The following ABCC5 variants were observed in gnomAD, a reference collection of about 807,000 sequenced individuals.
ABCC5 encodes the protein ATP binding cassette subfamily C member 5.
In ABCC5, 61 loss-of-function variants were observed where a neutral mutation model predicts 160.9. That is an observed-to-expected ratio of 0.38 (90% CI 0.31 to 0.47). The LOEUF (loss-of-function observed/expected upper bound fraction) is 0.47. Ranked by LOEUF, ABCC5 falls within the 20% of genes least tolerant of loss-of-function variation. The pLI, the probability that ABCC5 is intolerant of heterozygous loss-of-function variation, is 0.99. For synonymous variants in ABCC5, 666 were observed against 700.6 expected (o/e 0.95, Z 0.78); for missense variants, 1,308 against 1,813.3 (o/e 0.72, Z 5.06).
intron 29 of ABCC5, among the ~76,000 whole-genome samples, chr3:183,925,192 G>C (rs1712412568): frequency 6.6e-6 from 1 of 152,190 alleles, no homozygotes; most frequent in African/African-American, 2.4e-5. Flanking sequence ...CATGTACCAG[G>C]GATGATAATT....
chr3:183,965,561 G>A (rs1011914973), intron 12 of ABCC5, 60 bp from the exon 13 acceptor site: 10 of 1,597,434 alleles, frequency 6.3e-6, no homozygotes, highest in Admixed American at 3.4e-5. Flanking sequence ...CTATGCCAAC[G>A]GAACCCCCAC....
Position 183,949,790 on chromosome 3 carries a change from T to A in ABCC5, c.3190A>T (p.Ile1064Phe). Residue 1064 changes from isoleucine to phenylalanine, a missense_variant, in exon 22 of 30, where the codon ATC becomes TTC. Physicochemically the swap from Ile to Phe is conservative, Grantham distance 21 (BLOSUM62 0). Coordinates refer to ENST00000334444, the MANE Select transcript of ABCC5 (RefSeq NM_005688.4). The surrounding 1 kb of genome is among the most constrained non-coding windows in gnomAD (Gnocchi z 4.2). ...TCCTGCCCTTTATTGTAGGCGTGGA[T>A]GGTGGCAAGGCCCTGTATGCTGGAC... Reference protein sequence around the residue: ...ITSSIQGLATIHAYNKGQEFL... With the variant: ...ITSSIQGLATFHAYNKGQEFL... 6.2e-7 allele frequency: 1 copy of A among 1,614,192 alleles called. No homozygotes were observed.
At chr3:184,014,756 T>C (rs113755539) in intron 1 of ABCC5, among the ~76,000 whole-genome samples, 1 of 151,960 alleles carries the variant, frequency 6.6e-6, no homozygotes, top group African/African-American at 2.4e-5. Flanking sequence ...AAATCCAGTG[T>C]ATACAATAGA....
chr3:183,993,204 G>C (rs1719935224), intron 2 of ABCC5, among the ~76,000 whole-genome samples: 1 of 152,132 alleles, frequency 6.6e-6, no homozygotes, highest in African/African-American at 2.4e-5. Context: ...GTACTGCCGG[G>C]CTGGGCGCAG....
intron 2 of ABCC5, among the ~76,000 whole-genome samples, chr3:184,002,130 G>T (rs959501488): frequency 9.2e-5 from 14 of 152,158 alleles, no homozygotes; most frequent in African/African-American, 2.9e-4. Context: ...GGGTGGGGTG[G>T]CTTATGCTTG....
intron 5 of ABCC5, chr3:183,984,980 GC>G: frequency 8.6e-7 from 1 of 1,160,906 alleles, no homozygotes; most frequent in East Asian, 2.6e-5. Context: ...AATAGCATCA[GC>G]GCCTCCCAGA....
intron 24 of ABCC5, 53 bp downstream of exon 24, chr3:183,945,796 TA>T: frequency 6.7e-7 from 1 of 1,494,314 alleles, no homozygotes; most frequent in Non-Finnish European, 9.3e-7. Context: ...CAGCAAAGGG[TA>T]AACCGACTCC....
chr3:183,961,490 G>A (rs773681202), intron 16 of ABCC5, 21 bp downstream of exon 16: 12 of 1,612,404 alleles, frequency 7.4e-6, no homozygotes, highest in South Asian at 5.5e-5. Context: ...GGGGACACAC[G>A]CAAACACCAT....
In ABCC5 at chr3:183,947,383, G is replaced by C; in HGVS notation, c.3355C>G (p.Leu1119Val). The change falls in exon 23 of 30, where the codon CTT becomes GTT. Residue 1119 changes from leucine to valine, a missense_variant. Leu to Val is a conservative substitution (Grantham distance 32). Around this residue, in one of 3 missense-constraint regions of ABCC5, gnomAD observed 1,142 missense variants for 1,527.1 expected, o/e 0.75. Coordinates refer to ENST00000334444, the MANE Select transcript of ABCC5 (RefSeq NM_005688.4). ...LITTTGLMIV[L>V]MHGQIPPAYA... ...GCTGGGGGAATCTGCCCGTGCATAAGAACGATCATCAGCCCCGTGGTGGTG... is the reference window on the plus strand; with the variant it reads ...GCTGGGGGAATCTGCCCGTGCATAACAACGATCATCAGCCCCGTGGTGGTG... 6.2e-7 allele frequency: 1 copy of C among 1,613,768 alleles called. No individual in the cohort carries two copies. Among genetic ancestry groups the C allele is most frequent in the Non-Finnish European group, 8.5e-7 (1 of 1,179,882 alleles).
At chr3:183,981,606 C>T in intron 8 of ABCC5, 121 bp downstream of exon 8, 1 of 1,098,090 alleles carries the variant, frequency 9.1e-7, no homozygotes, top group Non-Finnish European at 1.3e-6. Flanking sequence ...ATATTATGTC[C>T]TACGATACTA....
chr3:183,926,142 G>GT (rs545167336), intron 28 of ABCC5, among the ~76,000 whole-genome samples: 2,072 of 131,996 alleles, frequency 0.016, 32 homozygotes, highest in African/African-American at 0.027. Flanking sequence ...CCAGCCTATT[G>GT]TTTTTTTTTT....
chr3:184,007,370 A>G (rs1486416274), intron 2 of ABCC5, among the ~76,000 whole-genome samples: 2 of 152,024 alleles, frequency 1.3e-5, no homozygotes, highest in Non-Finnish European at 2.9e-5. Flanking sequence ...TAGACATGCT[A>G]ATGAAAAACA....
chr3:184,001,593 G>A (rs1331610682), intron 2 of ABCC5, among the ~76,000 whole-genome samples: 1 of 152,170 alleles, frequency 6.6e-6, no homozygotes, highest in Non-Finnish European at 1.5e-5. Context: ...AGCAGGTAAA[G>A]TCCAGGGATG....
In ABCC5 at chr3:183,988,689, C is replaced by T; in HGVS notation, c.326G>A (p.Cys109Tyr). 6.2e-7 allele frequency: 1 copy of T among 1,614,134 alleles called. No individual in the cohort carries two copies. The highest frequency in any genetic ancestry group is 8.5e-7 in the Non-Finnish European group (1 of 1,180,014). Residue 109 changes from cysteine to tyrosine, a missense_variant, in exon 4 of 30, where the codon TGT becomes TAT. Physicochemically the swap from Cys to Tyr is radical, Grantham distance 194 (BLOSUM62 -2). Transcript: ENST00000334444. The surrounding 1 kb of genome is among the most constrained non-coding windows in gnomAD (Gnocchi z 4.4). ...HPVDNAGLFS[C>Y]MTFSWLSSLA... ...AGAAGAAAGCCACGAAAAAGTCATA[C>T]AGGAAAAAAGCCCAGCATTGTCCAC...
intron 2 of ABCC5, among the ~76,000 whole-genome samples, chr3:183,992,703 G>T (rs372624044): frequency 6.6e-6 from 1 of 152,036 alleles, no homozygotes; most frequent in East Asian, 1.9e-4. Context: ...GCAGGAGAAC[G>T]GTGTGAACCT....
intron 15 of ABCC5, among the ~76,000 whole-genome samples, chr3:183,962,917 T>G (rs1417723893): frequency 6.6e-6 from 1 of 152,188 alleles, no homozygotes; most frequent in Non-Finnish European, 1.5e-5. Context: ...ATATACATAA[T>G]TATGACTTTC....
At chr3:183,985,298 C>T in intron 5 of ABCC5, 1 of 1,612,862 alleles carries the variant, frequency 6.2e-7, no homozygotes, top group South Asian at 1.1e-5. Context: ...ATAAACATTA[C>T]CTTACCTGAA....
chr3:183,985,846 C>G (rs533314907), intron 5 of ABCC5: 1 of 179,922 alleles, frequency 5.6e-6, no homozygotes, highest in Non-Finnish European at 1.2e-5. Flanking sequence ...TCAGCATCAG[C>G]TGGCTGGCAG....
Position 183,971,612 on chromosome 3 carries a change from T to C in ABCC5, c.1712A>G (p.His571Arg), listed in dbSNP as rs745982165. 1.2e-6 allele frequency: 2 copies of C among 1,614,120 alleles called. No homozygotes were observed. Among genetic ancestry groups the C allele is most frequent in the Non-Finnish European group, 1.7e-6 (2 of 1,180,010 alleles). ...GTGCAGTGTCCTCTGTAAGCGCAGGTGGCCCAGGTGGATGTGCTTGCCTTC... is the reference window on the plus strand; with the variant it reads ...GTGCAGTGTCCTCTGTAAGCGCAGGCGGCCCAGGTGGATGTGCTTGCCTTC... ...EEEGKHIHLG[H>R]LRLQRTLHSI... Residue 571 changes from histidine (H) to arginine (R), a missense_variant, in exon 11 of 30, where the codon CAC (histidine) becomes CGC (arginine). Coordinates refer to ENST00000334444, the MANE Select transcript of ABCC5 (RefSeq NM_005688.4).
Sources: allele counts gnomAD v4.1 joint callset (sites outside exome capture counted in the v4.1 genomes callset), GRCh38; gene constraint gnomAD v4.1.1; regional missense constraint gnomAD v4.1.1; non-coding constraint Gnocchi (gnomAD v3.1); transcripts MANE v1.5; gene names NCBI Gene and HGNC (gene_info 2026-07-23, HGNC 2026-07-21).